The following HS3ST5 variants were observed in gnomAD, a reference collection of about 807,000 sequenced individuals.
HS3ST5 encodes the protein heparan sulfate glucosamine 3-O-sulfotransferase 5.
Under a neutral mutation model 25.4 loss-of-function variants are expected in HS3ST5, and 10 were observed. That is an observed-to-expected ratio of 0.39 (90% CI 0.24 to 0.67). The LOEUF is 0.67. Among genes scored for constraint, HS3ST5 ranks in the 30% least tolerant of loss-of-function variants. HS3ST5 has a pLI of 0.44. For synonymous variants in HS3ST5, 170 were observed against 162.4 expected, an observed-to-expected ratio of 1.05 and a Z score of -0.36; for missense variants, 324 against 420.7, an observed-to-expected ratio of 0.77 and a Z score of 2.01.
At chr6:114,075,141 T>C (rs1374407535) in intron 3 of HS3ST5, among the ~76,000 whole-genome samples, 1 of 152,232 alleles carries the variant, frequency 6.6e-6, no homozygotes, top group African/African-American at 2.4e-5. Context: ...CTTTTGTAGT[T>C]TTCTAGTGTT....
chr6:114,284,223 CT>C (rs1440636104), intron 1 of HS3ST5, among the ~76,000 whole-genome samples: 3 of 151,974 alleles, frequency 2.0e-5, no homozygotes, highest in African/African-American at 7.2e-5. Context: ...TCTATTTTGG[CT>C]TCATTTTTCA....
At chr6:114,122,929 A>G (rs1291877078) in intron 3 of HS3ST5, among the ~76,000 whole-genome samples, 4 of 152,146 alleles carry the variant, frequency 2.6e-5, no homozygotes, top group African/African-American at 7.2e-5. Flanking sequence ...TGTCAAGTGT[A>G]TATACAGATA....
intron 1 of HS3ST5, among the ~76,000 whole-genome samples, chr6:114,325,160 T>C (rs575207595): frequency 2.6e-5 from 4 of 152,312 alleles, no homozygotes; most frequent in African/African-American, 9.6e-5. Context: ...TCATCTTCAG[T>C]AAGAAATTTG....
At chr6:114,076,491 G>A (rs1407453666) in intron 3 of HS3ST5, among the ~76,000 whole-genome samples, 3 of 152,174 alleles carry the variant, frequency 2.0e-5, no homozygotes, top group Non-Finnish European at 2.9e-5. Flanking sequence ...AAAGATGGCT[G>A]CACCACATCA....
intron 1 of HS3ST5, among the ~76,000 whole-genome samples, chr6:114,322,101 T>C (rs1233637139): frequency 6.6e-6 from 1 of 152,170 alleles, no homozygotes; most frequent in African/African-American, 2.4e-5. Flanking sequence ...TAGCATTAAC[T>C]ACAAGTAATA....
intron 1 of HS3ST5, among the ~76,000 whole-genome samples, chr6:114,332,325 C>T (rs1162957631): frequency 1.3e-5 from 2 of 152,066 alleles, no homozygotes; most frequent in Non-Finnish European, 2.9e-5. Context: ...TGCGTTTTCT[C>T]CATCATCTAG....
intron 1 of HS3ST5, among the ~76,000 whole-genome samples, chr6:114,291,998 CTAGCTAATATGGTTTAT>C (rs1459330376): frequency 6.6e-6 from 1 of 152,084 alleles, no homozygotes; most frequent in Non-Finnish European, 1.5e-5. Context: ...GACAGGAAAA[CTAGCTAATATGGTTTAT>C]AGCAAGATGA....
intron 3 of HS3ST5, among the ~76,000 whole-genome samples, chr6:114,138,270 C>T (rs748630579): frequency 6.6e-6 from 1 of 152,172 alleles, no homozygotes; most frequent in African/African-American, 2.4e-5. Context: ...ATATTGCCTT[C>T]ATCTGTTGAC....
chr6:114,248,493 A>G (rs1484919348), intron 1 of HS3ST5, among the ~76,000 whole-genome samples: 19 of 152,072 alleles, frequency 1.2e-4, no homozygotes, highest in Admixed American at 3.3e-4. Context: ...AAAAATAAAA[A>G]ATAAAATTAA....
At chr6:114,109,976 C>T (rs1168539352) in intron 3 of HS3ST5, among the ~76,000 whole-genome samples, 2 of 152,132 alleles carry the variant, frequency 1.3e-5, no homozygotes, top group African/African-American at 2.4e-5. Context: ...GTCAAATGGA[C>T]ATAATATAAT....
intron 1 of HS3ST5, among the ~76,000 whole-genome samples, chr6:114,312,571 T>C (rs1399870345): frequency 6.6e-6 from 1 of 152,108 alleles, no homozygotes; most frequent in African/African-American, 2.4e-5. Flanking sequence ...CTTCAAAAGA[T>C]ATTAGAAAAT....
intron 1 of HS3ST5, among the ~76,000 whole-genome samples, chr6:114,309,457 A>G (rs564049898): frequency 4.0e-4 from 61 of 152,240 alleles, no homozygotes; most frequent in Non-Finnish European, 8.1e-4. Flanking sequence ...TCACACCTAT[A>G]ATGCCAGCAC....
chr6:114,113,245 T>G (rs112863604), intron 3 of HS3ST5, among the ~76,000 whole-genome samples: 1,925 of 152,280 alleles, frequency 0.013, 30 homozygotes, highest in African/African-American at 0.041. Flanking sequence ...TTCTATGGCC[T>G]TAGTAATTTT....
rs150353306 is a variant in HS3ST5, at chr6:114,337,758, C to A, written c.-339+4437G>T. ...TGCTTTACATCTAACTTGCTCCCCA[C>A]TGGGCCCTCTATTTAAGTAAACTTA... On this transcript the variant is annotated intron_variant, in intron 1 of 4. Coordinates refer to ENST00000312719, the MANE Select transcript of HS3ST5 (RefSeq NM_153612.4). Among the ~76,000 whole-genome samples the A allele has an allele frequency of 1.2e-4, 18 of 152,148 alleles. No individual in the cohort carries two copies. The East Asian group carries it at 3.3e-3, about 28-fold the overall frequency.
chr6:114,058,230 A>C, intron 4 of HS3ST5, 40 bp from the exon 5 acceptor site: 2 of 1,477,868 alleles, frequency 1.4e-6, no homozygotes, highest in Non-Finnish European at 1.8e-6. Flanking sequence ...CATTGCAACT[A>C]ACTTTTCATT....
intron 2 of HS3ST5, among the ~76,000 whole-genome samples, chr6:114,211,196 T>G (rs1270679730): frequency 6.6e-6 from 1 of 152,244 alleles, no homozygotes; most frequent in East Asian, 1.9e-4. Context: ...ACTGAGTTAA[T>G]TATTAAATGA....
At chr6:114,334,524 A>G (rs1776530456) in intron 1 of HS3ST5, among the ~76,000 whole-genome samples, 2 of 152,206 alleles carry the variant, frequency 1.3e-5, no homozygotes. Flanking sequence ...CCACATAAAC[A>G]ACAGTGGTCT....
intron 1 of HS3ST5, among the ~76,000 whole-genome samples, chr6:114,242,050 T>C (rs1486255324): frequency 1.3e-5 from 2 of 152,196 alleles, no homozygotes; most frequent in African/African-American, 2.4e-5. Flanking sequence ...GTGTCGGGTA[T>C]CTTCAGCACC....
chr6:114,114,984 A>G (rs987810496), intron 3 of HS3ST5, among the ~76,000 whole-genome samples: 6 of 152,070 alleles, frequency 3.9e-5, no homozygotes, highest in African/African-American at 1.2e-4. Context: ...ATGGTTCAGT[A>G]TTTTTTCTGC....
Sources: gnomAD v4.1 joint callset for allele counts (sites outside exome capture counted in the v4.1 genomes callset) on GRCh38, gnomAD v4.1.1 for gene constraint, MANE v1.5 for transcripts, NCBI Gene and HGNC (gene_info 2026-07-23, HGNC 2026-07-21) for gene names.